Variants in OPHN1 observed in about 807,000 individuals in gnomAD.
OPHN1 encodes oligophrenin 1.
Under a neutral mutation model 60.7 loss-of-function variants are expected in OPHN1, and 11 were observed. The observed-to-expected ratio is 0.18, with a 90% CI of 0.11 to 0.30. The LOEUF (loss-of-function observed/expected upper bound fraction) is 0.30, where lower values mean the gene tolerates loss of function less well. Ranked by LOEUF, OPHN1 falls within the 10% of genes least tolerant of loss-of-function variation. The pLI, the probability that OPHN1 is intolerant of heterozygous loss-of-function variation, is 1.00. For missense variants in OPHN1, 449 were observed against 611.0 expected (o/e 0.73, Z 2.80); for synonymous variants, 226 against 222.6 (o/e 1.02, Z -0.14).
chrX:68,058,378 T>C (rs1318278091), intron 21 of OPHN1, among the ~76,000 whole-genome samples: 1 of 110,564 alleles, frequency 9.0e-6, no homozygotes, highest in African/African-American at 3.3e-5. Flanking sequence ...GTGAATACTA[T>C]AAACTAGCAT....
At chrX:68,161,219 G>A (rs1217277634) in intron 15 of OPHN1, among the ~76,000 whole-genome samples, 1 of 110,707 alleles carries the variant, frequency 9.0e-6, no homozygotes. Flanking sequence ...GGCCTGCAAT[G>A]AGTAAAGAGA....
intron 2 of OPHN1, among the ~76,000 whole-genome samples, chrX:68,325,294 G>A: frequency 9.2e-6 from 1 of 108,786 alleles, no homozygotes; most frequent in Non-Finnish European, 1.9e-5. Flanking sequence ...TCTCCAATAA[G>A]CTAGACTTCT....
intron 2 of OPHN1, among the ~76,000 whole-genome samples, chrX:68,399,829 CT>C (rs201288901): frequency 7.6e-4 from 74 of 96,797 alleles, no homozygotes; most frequent in African/African-American, 2.2e-3. Flanking sequence ...TTTTTTCTTT[CT>C]TTTTTTTTTT....
intron 20 of OPHN1, chrX:68,071,875 G>C (rs1259384028): frequency 2.6e-5 from 8 of 310,733 alleles, no homozygotes; most frequent in Admixed American, 4.8e-5. Context: ...AGGATGTGCT[G>C]TTACTGGCTG....
intron 7 of OPHN1, among the ~76,000 whole-genome samples, chrX:68,212,454 G>A (rs1398393424): frequency 1.3e-4 from 14 of 111,053 alleles, no homozygotes; most frequent in Middle Eastern, 4.6e-3. Flanking sequence ...CCGTGGTGGC[G>A]CACGCCTGTA....
chrX:68,198,704 G>C (rs991029936), intron 11 of OPHN1, among the ~76,000 whole-genome samples: 1 of 111,680 alleles, frequency 9.0e-6, no homozygotes, highest in Non-Finnish European at 1.9e-5. Flanking sequence ...TAAAAGCAAT[G>C]CCAAGAGAGT....
rs34068601 is a variant in OPHN1 at position 68,053,949 on chromosome X, T to TA, written c.2159-140_2159-139insT. ...TCTTGGTGACTAACAACTCTGGCTATTTTTTTTTTTTTTTGTAATTTTTCT... is the reference window on the plus strand; with the variant it reads ...TCTTGGTGACTAACAACTCTGGCTATATTTTTTTTTTTTTTGTAATTTTTCT... On this transcript the variant is annotated intron_variant, in intron 21 of 24. Coordinates refer to ENST00000355520, the MANE Select transcript of OPHN1 (RefSeq NM_002547.3). The TA allele has an allele frequency of 1.9e-4, 35 of 188,578 alleles. 1 individual carries two copies. In the African/African-American group the frequency reaches 2.9e-3, roughly 15 times the overall value. 15.5% of individuals were successfully genotyped at this position (188,578 alleles called of 1,213,427 possible). A position where few individuals can be genotyped will look rare whatever the true frequency, so the allele number is the denominator to read the frequency against.
In OPHN1 at chrX:68,063,724, A is replaced by G. The variant is rs947052544; in HGVS notation, c.2158+130T>C. On this transcript the variant is annotated intron_variant, in intron 21 of 24. Transcript: ENST00000355520. The stretch of plus-strand genomic sequence containing the variant: ...GTGACTGATTATTGTGATCTTGCCC[A>G]CTGTTCCAATATTAGTGGTAGTAAA... The G allele has an allele frequency of 4.1e-5, 22 of 533,106 alleles. No individual in the cohort carries two copies. In the Middle Eastern group the frequency reaches 1.8e-3, roughly 43 times the overall value. 43.9% of individuals were successfully genotyped at this position (533,106 alleles called of 1,213,427 possible). A position where few individuals can be genotyped will look rare whatever the true frequency, so the allele number is the denominator to read the frequency against.
At chrX:68,429,539 G>C (rs2078875566) in intron 2 of OPHN1, among the ~76,000 whole-genome samples, 1 of 110,768 alleles carries the variant, frequency 9.0e-6, no homozygotes, top group Non-Finnish European at 1.9e-5. Context: ...GCCTGGGCGA[G>C]ATCAGTGAGA....
intron 2 of OPHN1, among the ~76,000 whole-genome samples, chrX:68,420,671 C>G (rs1221667615): frequency 9.0e-6 from 1 of 110,788 alleles, no homozygotes. Flanking sequence ...AAAGGCTAAC[C>G]AGAAAAACTC....
At chrX:68,134,339 A>G (rs2077210352) in intron 15 of OPHN1, among the ~76,000 whole-genome samples, 1 of 111,440 alleles carries the variant, frequency 9.0e-6, no homozygotes, top group Admixed American at 9.5e-5. Flanking sequence ...AATATGAATC[A>G]TAAGTTAGGA....
intron 5 of OPHN1, among the ~76,000 whole-genome samples, chrX:68,258,490 A>G (rs185896447): frequency 2.7e-3 from 256 of 93,738 alleles, no homozygotes; most frequent in Admixed American, 4.3e-3. Context: ...TTCAATTCCC[A>G]CCTATGAGTC....
chrX:68,164,884 A>G (rs1337128771), intron 15 of OPHN1, among the ~76,000 whole-genome samples: 1 of 112,474 alleles, frequency 8.9e-6, no homozygotes, highest in Non-Finnish European at 1.9e-5. Context: ...CACCTTCTAG[A>G]CAACATGCAT....
intron 2 of OPHN1, among the ~76,000 whole-genome samples, chrX:68,311,764 G>C: frequency 9.0e-6 from 1 of 111,664 alleles, no homozygotes; most frequent in Middle Eastern, 4.2e-3. Flanking sequence ...ACCGAAGGAA[G>C]AAACAGATAG....
At chrX:68,254,480 T>C (rs367857792) in intron 5 of OPHN1, among the ~76,000 whole-genome samples, 4 of 111,177 alleles carry the variant, frequency 3.6e-5, no homozygotes, top group African/African-American at 1.3e-4. Context: ...GCCAATTCAA[T>C]AGCCATCCTC....
At position 68,392,049 on chromosome X, in the gene OPHN1, C is replaced by T. The variant is rs541149638; in HGVS notation, c.154+40818G>A. Among the ~76,000 whole-genome samples, 23 of 111,835 alleles carry T rather than the reference C, an allele frequency of 2.1e-4. No individual in the cohort carries two copies. In the South Asian group the frequency reaches 5.3e-3, roughly 26 times the overall value. ...CAATAGGAAAACAACAAAAGGTATA[C>T]ATATTATCAAAATAGACAATTGACC... is the stretch of plus-strand genomic sequence containing the variant. On this transcript the variant is annotated intron_variant, in intron 2 of 24. Transcript: ENST00000355520.
chrX:68,146,719 C>T (rs1304652521), intron 15 of OPHN1, among the ~76,000 whole-genome samples: 1 of 112,333 alleles, frequency 8.9e-6, no homozygotes, highest in Non-Finnish European at 1.9e-5. Context: ...TTTGCCATGC[C>T]ATAAATGGAA....
At chrX:68,078,648 G>A (rs1269284505) in intron 19 of OPHN1, among the ~76,000 whole-genome samples, 1 of 110,905 alleles carries the variant, frequency 9.0e-6, no homozygotes, top group African/African-American at 3.3e-5. Flanking sequence ...CTCCCTCACA[G>A]ATGGCGTCAC....
At chrX:68,422,382 G>A (rs2078830231) in intron 2 of OPHN1, among the ~76,000 whole-genome samples, 1 of 108,083 alleles carries the variant, frequency 9.3e-6, no homozygotes, top group African/African-American at 3.4e-5. Flanking sequence ...AATTAGCCAG[G>A]CATGGTGGCA....
Sources: gnomAD v4.1 joint callset for allele counts (sites outside exome capture counted in the v4.1 genomes callset) on GRCh38, gnomAD v4.1.1 for gene constraint, MANE v1.5 for transcripts, NCBI Gene and HGNC (gene_info 2026-07-23, HGNC 2026-07-21) for gene names.